The following PITPNM3 variants were observed in gnomAD, a reference collection of about 807,000 sequenced individuals.
The protein encoded by PITPNM3 is membrane-associated phosphatidylinositol transfer protein 3.
In PITPNM3, 26 loss-of-function variants were observed where a neutral mutation model predicts 102.0. The observed-to-expected ratio is 0.25, with a 90% confidence interval of 0.19 to 0.35. The LOEUF is 0.35. PITPNM3 is among the 10% of genes least tolerant of loss of function. The probability of loss-of-function intolerance (pLI) is 1.00; values close to 1 mark genes in which losing one functional copy is unlikely to be tolerated. For synonymous variants in PITPNM3, 578 were observed against 558.6 expected (o/e 1.03, Z -0.49); for missense variants, 1,083 against 1,346.1 (o/e 0.80, Z 3.06).
chr17:6,475,774 C>G (rs1043565292), intron 9 of PITPNM3, among the ~76,000 whole-genome samples: 1 of 152,214 alleles, frequency 6.6e-6, no homozygotes, highest in Non-Finnish European at 1.5e-5. Context: ...AAATTTGGGG[C>G]TCTCCTAAAG....
intron 1 of PITPNM3, among the ~76,000 whole-genome samples, chr17:6,543,065 G>C (rs1785175453): frequency 6.6e-6 from 1 of 152,132 alleles, no homozygotes; most frequent in African/African-American, 2.4e-5. Flanking sequence ...TGAAAGAGAA[G>C]GGGAATATCC....
chr17:6,535,262 A>G (rs943545771), intron 2 of PITPNM3, among the ~76,000 whole-genome samples: 2 of 152,102 alleles, frequency 1.3e-5, no homozygotes, highest in African/African-American at 2.4e-5. Context: ...CAGACCCTCA[A>G]GGGATACTCA....
intron 1 of PITPNM3, among the ~76,000 whole-genome samples, chr17:6,552,602 G>C (rs1259770922): frequency 6.6e-6 from 1 of 152,026 alleles, no homozygotes; most frequent in Non-Finnish European, 1.5e-5. Flanking sequence ...TTCCGCTCCA[G>C]CCAGGTTTCT....
intron 4 of PITPNM3, among the ~76,000 whole-genome samples, chr17:6,499,044 G>A (rs966487702): frequency 2.6e-5 from 4 of 151,964 alleles, no homozygotes; most frequent in Admixed American, 1.3e-4. Context: ...CCCCAGGCAC[G>A]AGCTGAGACT....
chr17:6,552,187 C>T (rs1433492247), intron 1 of PITPNM3, among the ~76,000 whole-genome samples: 2 of 152,198 alleles, frequency 1.3e-5, no homozygotes, highest in Admixed American at 6.5e-5. Context: ...CTGGTTCCTC[C>T]AGCCTGGGAG....
At chr17:6,479,251 T>A (rs1905516052) in intron 6 of PITPNM3, 1 of 159,814 alleles carries the variant, frequency 6.3e-6, no homozygotes, top group African/African-American at 2.4e-5. Flanking sequence ...GCAGACATGA[T>A]GTTGTGTTCA....
At chr17:6,510,188 G>A (rs139878206) in intron 3 of PITPNM3, among the ~76,000 whole-genome samples, 32 of 152,244 alleles carry the variant, frequency 2.1e-4, no homozygotes, top group Non-Finnish European at 4.0e-4. Context: ...GACAAATCTT[G>A]TCATCTCACT....
Position 6,470,977 on chromosome 17 carries a change from G to A in PITPNM3, c.1624+184C>T, listed in dbSNP as rs145628163. 3.7e-4 allele frequency among the ~76,000 whole-genome samples: 56 copies of A among 152,256 alleles called. No homozygotes were observed. The highest frequency in any genetic ancestry group is 8.4e-4 in the African/African-American group (35 of 41,558). On this transcript the variant is annotated intron_variant, in intron 12 of 19. Transcript: ENST00000262483. The surrounding 1 kb of genome is among the most constrained non-coding windows in gnomAD (Gnocchi z 4.8). ...TGGGGCCAGAGTGAGGATCTGGACC[G>A]ATGCCAGGTCTCCATCAGCAGACGC...
chr17:6,534,298 C>T (rs1014588763), intron 2 of PITPNM3, among the ~76,000 whole-genome samples: 1 of 152,312 alleles, frequency 6.6e-6, no homozygotes. Context: ...GGAGCTGGCA[C>T]CCTGCCGAGG....
At chr17:6,549,389 T>C (rs1362112718) in intron 1 of PITPNM3, among the ~76,000 whole-genome samples, 4 of 152,220 alleles carry the variant, frequency 2.6e-5, no homozygotes, top group African/African-American at 9.6e-5. Context: ...TGTGGCCCCA[T>C]GAACGTGTGA....
rs908427645 is a variant in PITPNM3 at position 6,550,359 on chromosome 17, T to C, written c.22+6026A>G. Among the ~76,000 whole-genome samples the C allele has an allele frequency of 5.3e-5, 8 of 152,338 alleles. No homozygotes were observed. The East Asian group carries it at 5.8e-4, about 11-fold the overall frequency. On this transcript the variant is annotated intron_variant, in intron 1 of 19. Coordinates refer to ENST00000262483, the MANE Select transcript of PITPNM3 (RefSeq NM_031220.4). ...CTACCTCAGAGATGCTGTTGAGCCA[T>C]TGGACAGAAAAGCATGCTGAGAGCT...
At chr17:6,496,959 C>T (rs1906867647) in intron 4 of PITPNM3, among the ~76,000 whole-genome samples, 1 of 152,102 alleles carries the variant, frequency 6.6e-6, no homozygotes, top group African/African-American at 2.4e-5. Flanking sequence ...GGCATAGAGG[C>T]TAATGCACAC....
chr17:6,525,334 C>T (rs773448396), intron 3 of PITPNM3, 22 bp downstream of exon 3: 3 of 1,606,600 alleles, frequency 1.9e-6, no homozygotes, highest in South Asian at 2.2e-5. Context: ...ACATCCTGGT[C>T]ATGAGAGAAG....
At chr17:6,498,185 G>A (rs1365397613) in intron 4 of PITPNM3, among the ~76,000 whole-genome samples, 7 of 152,260 alleles carry the variant, frequency 4.6e-5, no homozygotes, top group Non-Finnish European at 1.0e-4. Flanking sequence ...CACAAGGGCA[G>A]AGGCCAACAG....
chr17:6,464,040 C>A (rs1904635692), intron 16 of PITPNM3, 130 bp downstream of exon 16: 2 of 1,548,014 alleles, frequency 1.3e-6, no homozygotes, highest in South Asian at 2.3e-5. Flanking sequence ...CCTCTCCCAT[C>A]CACCTCTGTC....
At chr17:6,541,882 G>A (rs1455888941) in intron 1 of PITPNM3, among the ~76,000 whole-genome samples, 1 of 152,238 alleles carries the variant, frequency 6.6e-6, no homozygotes, top group Non-Finnish European at 1.5e-5. Flanking sequence ...TGCTTGGTGA[G>A]TGCGGCATGC....
intron 1 of PITPNM3, among the ~76,000 whole-genome samples, chr17:6,541,885 C>T (rs989161971): frequency 1.3e-5 from 2 of 152,186 alleles, no homozygotes; most frequent in African/African-American, 2.4e-5. Flanking sequence ...TTGGTGAGTG[C>T]GGCATGCCAG....
Position 6,484,138 on chromosome 17 carries a change from G to T in PITPNM3, c.351+78C>A. 2.1e-6 allele frequency: 3 copies of T among 1,450,106 alleles called. No homozygotes were observed. The South Asian group carries it at 3.4e-5, about 17-fold the overall frequency. The allele number at this position is 1,450,106 out of a possible 1,614,324, so 89.8% of individuals were successfully genotyped here. On this transcript the variant is annotated intron_variant, in intron 5 of 19. Coordinates refer to ENST00000262483, the MANE Select transcript of PITPNM3 (RefSeq NM_031220.4). ...AGACGAAGAGCTGGAAGAAAACGAG[G>T]CCGCCTATGATCCGAGGGCTCTTGC...
In PITPNM3 at chr17:6,470,198, G is replaced by A; in HGVS notation, c.1773+62C>T. The A allele has an allele frequency of 1.3e-6, 2 of 1,508,712 alleles. No homozygotes were observed. Among genetic ancestry groups the A allele is most frequent in the Non-Finnish European group, 1.8e-6 (2 of 1,110,480 alleles). The allele number at this position is 1,508,712 out of a possible 1,614,324, so 93.5% of individuals were successfully genotyped here. A position where few individuals can be genotyped will look rare whatever the true frequency, so the allele number is the denominator to read the frequency against. ...TGCAAGAATAGCCTCCTCTCCAGCT[G>A]GAGAAGGGGCGGTACCCCCTTGGGG... On this transcript the variant is annotated intron_variant, in intron 13 of 19. Coordinates refer to ENST00000262483, the MANE Select transcript of PITPNM3 (RefSeq NM_031220.4). The surrounding 1 kb of genome is among the most constrained non-coding windows in gnomAD (Gnocchi z 4.8).
Sources: gnomAD v4.1 joint callset for allele counts (sites outside exome capture counted in the v4.1 genomes callset) on GRCh38, gnomAD v4.1.1 for gene constraint, Gnocchi (gnomAD v3.1) non-coding constraint, MANE v1.5 for transcripts, NCBI Gene and HGNC (gene_info 2026-07-23, HGNC 2026-07-21) for gene names.